The following UBTD2 variants were observed in gnomAD, a reference collection of about 807,000 sequenced individuals.
The protein encoded by UBTD2 is ubiquitin domain containing 2, also known as ubiquitin domain-containing protein 2.
UBTD2 carries 9 observed loss-of-function variants against 19.8 expected under a neutral mutation model. The observed-to-expected ratio is 0.46, with a 90% CI of 0.27 to 0.79. The LOEUF is 0.79. UBTD2 is among the 30% of genes least tolerant of loss of function. The pLI, the probability that UBTD2 is intolerant of heterozygous loss-of-function variation, is 0.14. For missense variants in UBTD2, 250 were observed against 300.4 expected (o/e 0.83, Z 1.24); for synonymous variants, 98 against 103.9 (o/e 0.94, Z 0.35).
At chr5:172,238,897 G>T (rs1772065567) in intron 1 of UBTD2, among the ~76,000 whole-genome samples, 1 of 152,162 alleles carries the variant, frequency 6.6e-6, no homozygotes, top group Non-Finnish European at 1.5e-5. Flanking sequence ...TTGAAAACTG[G>T]AAGCATCAGT....
intron 1 of UBTD2, among the ~76,000 whole-genome samples, chr5:172,273,491 T>C (rs911364804): frequency 1.3e-5 from 2 of 148,192 alleles, no homozygotes; most frequent in African/African-American, 2.5e-5. Context: ...TTTCAGAGGC[T>C]GAGGCAGGAG....
intron 2 of UBTD2, among the ~76,000 whole-genome samples, chr5:172,214,399 C>T (rs553250956): frequency 5.9e-5 from 9 of 152,302 alleles, no homozygotes; most frequent in Admixed American, 5.2e-4. Context: ...GCAGAACACA[C>T]GTGAATCTTC....
At chr5:172,230,984 C>T (rs912072221) in intron 2 of UBTD2, among the ~76,000 whole-genome samples, 1 of 152,044 alleles carries the variant, frequency 6.6e-6, no homozygotes, top group African/African-American at 2.4e-5. Context: ...GGGGTTTCAC[C>T]GTGTTAGCCG....
At chr5:172,213,130 A>G (rs186498813) in intron 2 of UBTD2, among the ~76,000 whole-genome samples, 87 of 151,946 alleles carry the variant, frequency 5.7e-4, no homozygotes, top group Non-Finnish European at 1.0e-3. Flanking sequence ...AGCTGGGATT[A>G]CAGGCGCACA....
intron 1 of UBTD2, among the ~76,000 whole-genome samples, chr5:172,273,614 AAAAAAG>A (rs1755546496): frequency 1.4e-5 from 1 of 70,240 alleles, no homozygotes; most frequent in Non-Finnish European, 2.9e-5. Context: ...AAAAAAAAAA[AAAAAAG>A]GCTTTCCAAC....
intron 1 of UBTD2, among the ~76,000 whole-genome samples, chr5:172,268,317 T>C (rs1755418575): frequency 6.6e-6 from 1 of 152,028 alleles, no homozygotes; most frequent in African/African-American, 2.4e-5. Context: ...AGTTGGAACG[T>C]AGAAAAAGAG....
chr5:172,250,174 G>T (rs986764305), intron 1 of UBTD2, among the ~76,000 whole-genome samples: 6 of 152,134 alleles, frequency 3.9e-5, no homozygotes, highest in African/African-American at 1.4e-4. Context: ...AGTGAGCCGA[G>T]ATAGCACCAC....
At chr5:172,280,039 T>C (rs1755678295) in intron 1 of UBTD2, among the ~76,000 whole-genome samples, 2 of 151,844 alleles carry the variant, frequency 1.3e-5, no homozygotes, top group African/African-American at 4.8e-5. Context: ...AGGGCGGAGT[T>C]TGCAGTGAGC....
chr5:172,256,691 C>CG (rs892073710), intron 1 of UBTD2, among the ~76,000 whole-genome samples: 20 of 152,110 alleles, frequency 1.3e-4, no homozygotes, highest in Middle Eastern at 3.4e-3. Flanking sequence ...GAGGCCAAGG[C>CG]GGGCAGATCA....
chr5:172,268,534 G>C (rs1755422148), intron 1 of UBTD2, among the ~76,000 whole-genome samples: 1 of 152,152 alleles, frequency 6.6e-6, no homozygotes, highest in African/African-American at 2.4e-5. Context: ...ATCACTTGAG[G>C]TCAGGAGTTC....
chr5:172,216,096 G>A (rs1771536776), intron 2 of UBTD2, among the ~76,000 whole-genome samples: 1 of 152,090 alleles, frequency 6.6e-6, no homozygotes, highest in Admixed American at 6.6e-5. Flanking sequence ...GAACCTGGGA[G>A]GCAGAGGTCG....
intron 1 of UBTD2, among the ~76,000 whole-genome samples, chr5:172,244,535 T>A (rs372040070): frequency 1.3e-5 from 2 of 151,660 alleles, no homozygotes; most frequent in Admixed American, 6.6e-5. Flanking sequence ...CAACCTTAGA[T>A]GATCCGCCCG....
At chr5:172,243,920 T>C (rs983385634) in intron 1 of UBTD2, among the ~76,000 whole-genome samples, 3 of 152,054 alleles carry the variant, frequency 2.0e-5, no homozygotes, top group Non-Finnish European at 2.9e-5. Context: ...AACCGTGCAC[T>C]ATTTTTCAAG....
rs1416060399 is a variant in UBTD2 at position 172,211,753 on chromosome 5, C to T, written c.*77G>A. ...ATTTAGAGCAGTGAAATAGATTTCACGCCGCAGAGTAGGAAATGACAACAA... is the reference window on the plus strand; with the variant it reads ...ATTTAGAGCAGTGAAATAGATTTCATGCCGCAGAGTAGGAAATGACAACAA... On this transcript the variant is annotated 3_prime_UTR_variant, in exon 3 of 3. Coordinates refer to ENST00000393792, the MANE Select transcript of UBTD2 (RefSeq NM_152277.3). 22 of 1,436,926 alleles carry T rather than the reference C, an allele frequency of 1.5e-5. No homozygotes were observed. The highest frequency in any genetic ancestry group is 1.1e-4 in the South Asian group (7 of 64,054). 89.0% of individuals were successfully genotyped at this position (1,436,926 alleles called of 1,614,324 possible). A position where few individuals can be genotyped will look rare whatever the true frequency, so the allele number is the denominator to read the frequency against.
chr5:172,256,201 C>A (rs750096089), intron 1 of UBTD2, among the ~76,000 whole-genome samples: 28 of 152,122 alleles, frequency 1.8e-4, no homozygotes, highest in Non-Finnish European at 3.8e-4. Context: ...CATTCCCAAA[C>A]CAGAACATCA....
At chr5:172,273,084 C>CAA (rs35488668) in intron 1 of UBTD2, among the ~76,000 whole-genome samples, 1 of 106,000 alleles carries the variant, frequency 9.4e-6, no homozygotes. Context: ...CTCTCCGTCT[C>CAA]AAAAAAAAAA....
Position 172,226,578 on chromosome 5 carries a change from C to A in UBTD2, c.307+7544G>T, listed in dbSNP as rs543616853. ...GCAACACTCACCAACAGCAATGTCACAAAGGATCAAGGTTTCATAAAATTT... is the reference window on the plus strand; with the variant it reads ...GCAACACTCACCAACAGCAATGTCAAAAAGGATCAAGGTTTCATAAAATTT... On this transcript the variant is annotated intron_variant, in intron 2 of 2. Transcript: ENST00000393792. Among the ~76,000 whole-genome samples the A allele has an allele frequency of 2.4e-4, 37 of 152,254 alleles. 1 individual carries two copies. The South Asian group carries it at 7.7e-3, about 32-fold the overall frequency.
intron 2 of UBTD2, among the ~76,000 whole-genome samples, chr5:172,226,153 T>C (rs1337536439): frequency 2.0e-5 from 3 of 152,126 alleles, no homozygotes; most frequent in African/African-American, 7.2e-5. Flanking sequence ...TGCCCTGCTA[T>C]GGCAAAGGAA....
intron 1 of UBTD2, chr5:172,254,396 C>T: frequency 2.9e-6 from 1 of 343,866 alleles, no homozygotes; most frequent in South Asian, 4.4e-5. Flanking sequence ...TGCGCCCGGC[C>T]TCCATGTGGC....
Sources: gnomAD v4.1 joint callset for allele counts (sites outside exome capture counted in the v4.1 genomes callset) on GRCh38, gnomAD v4.1.1 for gene constraint, MANE v1.5 for transcripts, NCBI Gene and HGNC (gene_info 2026-07-23, HGNC 2026-07-21) for gene names.